The following NCAN variants were observed in gnomAD, a reference collection of about 807,000 sequenced individuals.
The protein encoded by NCAN is neurocan, also known as neurocan core protein.
NCAN carries 47 observed loss-of-function variants against 121.8 expected under a neutral mutation model. The ratio of observed to expected loss-of-function variants is 0.39; its 90% CI spans 0.31 to 0.49. The LOEUF is 0.49. NCAN is among the 20% of genes least tolerant of loss of function. The probability of loss-of-function intolerance (pLI) is 0.92; values close to 1 mark genes in which losing one functional copy is unlikely to be tolerated. For synonymous variants in NCAN, 633 were observed against 702.0 expected (o/e 0.90, Z 1.55); for missense variants, 1,517 against 1,773.4 (o/e 0.86, Z 2.60).
intron 1 of NCAN, among the ~76,000 whole-genome samples, chr19:19,214,528 T>C (rs1018115601): frequency 1.1e-4 from 16 of 152,158 alleles, no homozygotes; most frequent in Admixed American, 2.6e-4. Flanking sequence ...TGAGGCTTTG[T>C]GTCTAAAGAG....
rs548288532 is a variant in NCAN, at chr19:19,237,408, G to T, written c.3251-845G>T. Among the ~76,000 whole-genome samples, 46 of 151,726 alleles carry T rather than the reference G, an allele frequency of 3.0e-4. 1 individual carries two copies. The highest frequency in any genetic ancestry group is 2.9e-3 in the Admixed American group (44 of 15,208). On this transcript the variant is annotated intron_variant, in intron 10 of 14. Transcript: ENST00000252575. ...GGAGGCTGAGGCAGGAGAATTGCTT[G>T]AACCTGGGAGGTGGTGTCTACAGTG... is the stretch of plus-strand genomic sequence containing the variant.
chr19:19,213,078 A>G (rs1208704388), intron 1 of NCAN, among the ~76,000 whole-genome samples: 7 of 152,104 alleles, frequency 4.6e-5, no homozygotes, highest in Admixed American at 3.9e-4. Context: ...GGCAGCATCA[A>G]TGAGAAACAG....
At position 19,250,450 on chromosome 19, in the gene NCAN, G is replaced by A. The variant is rs566743456; in HGVS notation, c.*539G>A. The A allele has an allele frequency of 4.9e-5, 15 of 307,486 alleles. No homozygotes were observed. Among genetic ancestry groups the A allele is most frequent in the Non-Finnish European group, 7.0e-5 (11 of 157,096 alleles). 19.0% of individuals were successfully genotyped at this position (307,486 alleles called of 1,614,324 possible). ...TACCCTGGACTTCAGCCCAAGTTCC[G>A]TCTTTGGTCTTGGTGGATAAACACA... On this transcript the variant is annotated 3_prime_UTR_variant, in exon 15 of 15. Coordinates refer to ENST00000252575, the MANE Select transcript of NCAN (RefSeq NM_004386.3).
chr19:19,250,099 G>A lies in NCAN; in HGVS notation c.*188G>A, dbSNP rs1032333327. 3.8e-5 allele frequency: 28 copies of A among 744,536 alleles called. No homozygotes were observed. In the African/African-American group the frequency reaches 4.5e-4, roughly 12 times the overall value. The allele number at this position is 744,536 out of a possible 1,614,324, so 46.1% of individuals were successfully genotyped here. A position where few individuals can be genotyped will look rare whatever the true frequency, so the allele number is the denominator to read the frequency against. On this transcript the variant is annotated 3_prime_UTR_variant, in exon 15 of 15. Transcript: ENST00000252575. ...TTTTTTACATACACAAGATCCTCTT[G>A]GCAGGTGGAGCCAGGTGTCTGAAAA... is the stretch of plus-strand genomic sequence containing the variant.
chr19:19,238,586 CT>C, intron 11 of NCAN, 175 bp downstream of exon 11: 1 of 689,590 alleles, frequency 1.5e-6, no homozygotes, highest in Admixed American at 2.6e-5. Context: ...TGTCAATTCA[CT>C]TGTTAATTCA....
Position 19,227,642 on chromosome 19 carries a change from G to A in NCAN, c.2022G>A (p.Glu674=), listed in dbSNP as rs765551496. The A allele has an allele frequency of 3.7e-6, 6 of 1,613,968 alleles. No individual in the cohort carries two copies. Among genetic ancestry groups the A allele is most frequent in the Non-Finnish European group, 5.1e-6 (6 of 1,180,038 alleles). ...CGGCTCCACCCTCCCCTGCTGCAGA[G>A]ACCAAGGTGTATTCCCTGCCTCTCT... is the stretch of plus-strand genomic sequence containing the variant. ...TATAPPSPAA[E]TKVYSLPLSL... The change falls in exon 8 of 15, where the codon GAG becomes GAA. Residue 674 remains glutamate, a synonymous_variant. Transcript: ENST00000252575. This position sits in a 1 kb window ranked among gnomAD's most constrained non-coding sequence, Gnocchi z 4.2.
intron 8 of NCAN, among the ~76,000 whole-genome samples, chr19:19,230,479 C>A (rs1217304861): frequency 6.7e-6 from 1 of 148,464 alleles, no homozygotes; most frequent in East Asian, 2.0e-4. Flanking sequence ...TCGTGGCTCA[C>A]TGCAGCCTTG....
chr19:19,249,766 C>T lies in NCAN; in HGVS notation c.3821C>T (p.Pro1274Leu). ...WDRPQIVCTK[P>L]RRSHRMRRHH... ...CCTGTCCTCCCTCACTTCCCTGCAG[C>T]CAGACGTTCACATCGGATGCGGCGA... Residue 1274 changes from proline to leucine, a missense_variant and splice_region_variant, in exon 15 of 15, where the codon CCC becomes CTC. Transcript: ENST00000252575. 6.3e-7 allele frequency: 1 copy of T among 1,597,890 alleles called. No homozygotes were observed. The highest frequency in any genetic ancestry group is 1.1e-5 in the South Asian group (1 of 89,010).
At chr19:19,239,323 T>G (rs2060893477) in intron 11 of NCAN, among the ~76,000 whole-genome samples, 1 of 151,804 alleles carries the variant, frequency 6.6e-6, no homozygotes, top group South Asian at 2.1e-4. Flanking sequence ...ACACTGAGGC[T>G]GGGAGAGGGG....
intron 3 of NCAN, among the ~76,000 whole-genome samples, chr19:19,219,854 G>A (rs370555584): frequency 1.8e-4 from 23 of 126,528 alleles, no homozygotes; most frequent in African/African-American, 5.4e-4. Flanking sequence ...GTGAAACCCC[G>A]TCTTTAAAAA....
rs1366800809 is a variant in NCAN, at chr19:19,250,360, T to C, written c.*449T>C. 1 of 359,020 alleles carries C rather than the reference T, an allele frequency of 2.8e-6. No individual in the cohort carries two copies. The highest frequency in any genetic ancestry group is 5.4e-6 in the Non-Finnish European group (1 of 183,704). 22.2% of individuals were successfully genotyped at this position (359,020 alleles called of 1,614,324 possible). ...GGAAGAAGCCTGGACGTAGGGTCAT[T>C]AGCTTTGGGAATAGAAGGCTACACA... On this transcript the variant is annotated 3_prime_UTR_variant, in exon 15 of 15. Coordinates refer to ENST00000252575, the MANE Select transcript of NCAN (RefSeq NM_004386.3).
rs149711096 is a variant in NCAN, at chr19:19,216,988, T to C, written c.35T>C (p.Leu12Ser). Residue 12 changes from leucine to serine, a missense_variant, in exon 2 of 15, where the codon TTG becomes TCG. Leu to Ser is a moderately radical substitution (Grantham distance 145). Transcript: ENST00000252575. ...CCGTTTGTCTGGGCCTTGGGCCTTT[T>C]GATGCTGCAGATGCTGCTCTTTGTG... Reference protein sequence around the residue: ...GAPFVWALGLLMLQMLLFVAG... With the variant: ...GAPFVWALGLSMLQMLLFVAG... 1.1e-5 allele frequency: 14 copies of C among 1,312,230 alleles called. No homozygotes were observed. In the African/African-American group the frequency reaches 1.8e-4, roughly 17 times the overall value. The allele number at this position is 1,312,230 out of a possible 1,614,324, so 81.3% of individuals were successfully genotyped here.
intron 2 of NCAN, among the ~76,000 whole-genome samples, chr19:19,217,729 A>G (rs552293765): frequency 9.2e-5 from 14 of 152,184 alleles, no homozygotes; most frequent in Non-Finnish European, 1.5e-4. Context: ...GTTTATGCCT[A>G]TAATTCTAGC....
Position 19,233,770 on chromosome 19 carries a change from C to T in NCAN, c.3020-19C>T, listed in dbSNP as rs11672216. 67,011 of 1,508,318 alleles carry T rather than the reference C, an allele frequency of 0.044. 2,612 individuals are homozygous for T. The highest frequency in any genetic ancestry group is 0.17 in the African/African-American group (12,536 of 72,832). 93.4% of individuals were successfully genotyped at this position (1,508,318 alleles called of 1,614,324 possible). A position where few individuals can be genotyped will look rare whatever the true frequency, so the allele number is the denominator to read the frequency against. On this transcript the variant is annotated intron_variant, in intron 8 of 14. Coordinates refer to ENST00000252575, the MANE Select transcript of NCAN (RefSeq NM_004386.3). ...ATCTGTGGCCTGACTCTTCCCCACA[C>T]TACCCATCCATCCTGCAGTGCACTC...
chr19:19,235,587 T>A (rs867637146), intron 10 of NCAN, among the ~76,000 whole-genome samples: 3 of 151,506 alleles, frequency 2.0e-5, no homozygotes, highest in Non-Finnish European at 2.9e-5. Context: ...TATTTTATTT[T>A]TTTTTTTTGA....
At position 19,212,763 on chromosome 19, in the gene NCAN, G is replaced by A. The variant is rs1199716608; in HGVS notation, c.-8+699G>A. ...TCCCTTATCCCAGGGAACACACTGG[G>A]TGTCCCAGGTGAATGTTGGGTGGGG... On this transcript the variant is annotated intron_variant, in intron 1 of 14. Transcript: ENST00000252575. The surrounding 1 kb of genome is among the most constrained non-coding windows in gnomAD (Gnocchi z 4.5). Among the ~76,000 whole-genome samples, 1 of 152,194 alleles carries A rather than the reference G, an allele frequency of 6.6e-6. No homozygotes were observed. The highest frequency in any genetic ancestry group is 1.5e-5 in the Non-Finnish European group (1 of 68,020).
intron 10 of NCAN, among the ~76,000 whole-genome samples, chr19:19,236,424 G>T (rs1384806214): frequency 6.6e-6 from 1 of 152,096 alleles, no homozygotes; most frequent in Non-Finnish European, 1.5e-5. Flanking sequence ...ATGGTTTGAT[G>T]GATATTTGGG....
Position 19,219,192 on chromosome 19 carries a change from C to T in NCAN, c.351C>T (p.Pro117=). The stretch of plus-strand genomic sequence containing the variant: ...GACGAGTGTCACTGCCTTCCTACCC[C>T]CGGCGCCGAGCCAACGCCACGCTAC... ...WQGRVSLPSY[P]RRRANATLLL... is the part of the protein sequence containing the mutation. The change falls in exon 3 of 15, where the codon CCC becomes CCT. Residue 117 remains proline, a synonymous_variant. Coordinates refer to ENST00000252575, the MANE Select transcript of NCAN (RefSeq NM_004386.3). 6.2e-7 allele frequency: 1 copy of T among 1,612,082 alleles called. No homozygotes were observed. Among genetic ancestry groups the T allele is most frequent in the Non-Finnish European group, 8.5e-7 (1 of 1,180,006 alleles).
chr19:19,241,794 CATT>C (rs1568602304), intron 12 of NCAN, among the ~76,000 whole-genome samples: 1 of 151,904 alleles, frequency 6.6e-6, no homozygotes, highest in African/African-American at 2.4e-5. Context: ...CAAAAATGTA[CATT>C]ATTCGGGTCA....
Sources: allele counts gnomAD v4.1 joint callset (sites outside exome capture counted in the v4.1 genomes callset), GRCh38; gene constraint gnomAD v4.1.1; non-coding constraint Gnocchi (gnomAD v3.1); transcripts MANE v1.5; gene names NCBI Gene and HGNC (gene_info 2026-07-23, HGNC 2026-07-21).